The following HECW1 variants were observed in gnomAD, a reference collection of about 807,000 sequenced individuals.
HECW1 encodes the protein E3 ubiquitin-protein ligase HECW1.
In HECW1, 61 loss-of-function variants were observed where a neutral mutation model predicts 182.3. The ratio of observed to expected loss-of-function variants is 0.33; its 90% CI spans 0.27 to 0.41. The LOEUF (loss-of-function observed/expected upper bound fraction) is 0.41, where lower values mean the gene tolerates loss of function less well. HECW1 is among the 10% of genes least tolerant of loss of function. The pLI, the probability that HECW1 is intolerant of heterozygous loss-of-function variation, is 1.00. For missense variants in HECW1, 1,739 were observed against 2,108.9 expected, an observed-to-expected ratio of 0.82 and a Z score of 3.44; for synonymous variants, 859 against 832.6, an observed-to-expected ratio of 1.03 and a Z score of -0.55.
chr7:43,187,970 G>A (rs538140738), intron 2 of HECW1, among the ~76,000 whole-genome samples: 3 of 152,172 alleles, frequency 2.0e-5, no homozygotes, highest in African/African-American at 7.2e-5. Flanking sequence ...AGTGGACTCC[G>A]TGAAGACCCC....
intron 29 of HECW1, among the ~76,000 whole-genome samples, chr7:43,555,914 A>AC (rs2082002844): frequency 1.8e-5 from 1 of 54,258 alleles, no homozygotes; most frequent in African/African-American, 1.4e-4. Flanking sequence ...AAGTTGAATG[A>AC]TGATTTCAAG....
At chr7:43,285,116 C>T (rs1804460810) in intron 3 of HECW1, among the ~76,000 whole-genome samples, 1 of 151,870 alleles carries the variant, frequency 6.6e-6, no homozygotes, top group Non-Finnish European at 1.5e-5. Context: ...GCAAGTCTTA[C>T]TGCTAACTGG....
intron 2 of HECW1, among the ~76,000 whole-genome samples, chr7:43,205,904 C>T (rs1392155971): frequency 6.6e-6 from 1 of 152,190 alleles, no homozygotes; most frequent in African/African-American, 2.4e-5. Flanking sequence ...ACACTGAGCA[C>T]AGCTGGGCCC....
At chr7:43,265,950 A>G (rs11979901) in intron 3 of HECW1, among the ~76,000 whole-genome samples, 24,980 of 151,886 alleles carry the variant, frequency 0.16, 2,615 homozygotes, top group South Asian at 0.29. Flanking sequence ...AGGAAACTTG[A>G]GGGGGGGTGT....
intron 2 of HECW1, among the ~76,000 whole-genome samples, chr7:43,146,792 G>A (rs1326966278): frequency 2.0e-5 from 3 of 152,214 alleles, no homozygotes; most frequent in African/African-American, 7.2e-5. Context: ...AGTGGCAGCA[G>A]GGCACTGGCC....
intron 24 of HECW1, among the ~76,000 whole-genome samples, chr7:43,514,295 T>G (rs1450987713): frequency 7.0e-6 from 1 of 143,176 alleles, no homozygotes; most frequent in Non-Finnish European, 1.6e-5. Flanking sequence ...TTTTTTCTTT[T>G]CTTTTCTTTT....
intron 26 of HECW1, among the ~76,000 whole-genome samples, chr7:43,542,673 T>G (rs542533938): frequency 6.6e-6 from 1 of 152,158 alleles, no homozygotes; most frequent in Non-Finnish European, 1.5e-5. Context: ...TCTGTTCAAG[T>G]CCCTGCTGTA....
chr7:43,502,785 A>G (rs2079418382), intron 21 of HECW1, among the ~76,000 whole-genome samples: 1 of 152,250 alleles, frequency 6.6e-6, no homozygotes, highest in Admixed American at 6.5e-5. Context: ...TTTGACTTGC[A>G]TTATCACATT....
intron 2 of HECW1, among the ~76,000 whole-genome samples, chr7:43,176,596 A>C (rs576482283): frequency 6.6e-5 from 10 of 152,304 alleles, no homozygotes; most frequent in African/African-American, 2.2e-4. Flanking sequence ...AACTGGCTTT[A>C]TAACAGACCC....
At chr7:43,191,382 T>A (rs1244949689) in intron 2 of HECW1, among the ~76,000 whole-genome samples, 1 of 152,240 alleles carries the variant, frequency 6.6e-6, no homozygotes, top group Non-Finnish European at 1.5e-5. Flanking sequence ...TAAACTGCCA[T>A]GCTTTCTAAT....
intron 20 of HECW1, 50 bp downstream of exon 20, chr7:43,500,832 C>A (rs753737832): frequency 1.2e-5 from 18 of 1,448,562 alleles, no homozygotes; most frequent in Non-Finnish European, 1.7e-5. Flanking sequence ...CTGGGCAGCT[C>A]TCCTCCATCA....
At chr7:43,423,442 T>C (rs34718292) in intron 8 of HECW1, among the ~76,000 whole-genome samples, 25,040 of 152,208 alleles carry the variant, frequency 0.16, 2,367 homozygotes, top group Middle Eastern at 0.21. Context: ...TCTACAGTGA[T>C]GCCTGAGGCT....
intron 27 of HECW1, among the ~76,000 whole-genome samples, chr7:43,551,619 T>C (rs1418492038): frequency 6.6e-6 from 1 of 152,196 alleles, no homozygotes; most frequent in Non-Finnish European, 1.5e-5. Flanking sequence ...TCGAGTCAGA[T>C]TTGTTTACAG....
intron 6 of HECW1, among the ~76,000 whole-genome samples, chr7:43,392,116 C>T (rs1016847722): frequency 6.6e-6 from 1 of 152,034 alleles, no homozygotes; most frequent in Non-Finnish European, 1.5e-5. Context: ...ATTATGGAGC[C>T]TTATACTTTT....
chr7:43,165,397 C>CGG (rs11451295), intron 2 of HECW1, among the ~76,000 whole-genome samples: 3,437 of 136,962 alleles, frequency 0.025, 146 homozygotes, highest in African/African-American at 0.067. Flanking sequence ...GGGCTTTTGG[C>CGG]GGGGGGGGGT....
intron 14 of HECW1, among the ~76,000 whole-genome samples, 182 bp from the exon 15 acceptor site, chr7:43,466,265 G>A (rs1228236505): frequency 2.6e-5 from 4 of 152,272 alleles, no homozygotes; most frequent in East Asian, 1.9e-4. Flanking sequence ...GAAGTTATGC[G>A]AAACACTACT....
rs113919620 is a variant in HECW1, at chr7:43,564,412, C to T, written c.*2486C>T. The T allele has an allele frequency of 2.7e-3, 490 of 182,560 alleles. 1 individual carries two copies. Among genetic ancestry groups the T allele is most frequent in the African/African-American group, 0.011 (464 of 42,588 alleles). The allele number at this position is 182,560 out of a possible 1,614,324, so 11.3% of individuals were successfully genotyped here. Reference sequence around the variant, plus strand: ...ATTAGATTAATTAATATCTAATCTACCCATATACAAAAGGAATGCAGTATC... The same window carrying T: ...ATTAGATTAATTAATATCTAATCTATCCATATACAAAAGGAATGCAGTATC... On this transcript the variant is annotated 3_prime_UTR_variant, in exon 30 of 30. Transcript: ENST00000395891.
intron 3 of HECW1, chr7:43,245,440 T>C (rs1401523664): frequency 6.6e-6 from 1 of 152,220 alleles, no homozygotes; most frequent in Non-Finnish European, 1.5e-5. Context: ...CTGAGTGCAT[T>C]TCACATTCAG....
chr7:43,469,346 T>C (rs2077922724), intron 16 of HECW1, among the ~76,000 whole-genome samples: 1 of 152,204 alleles, frequency 6.6e-6, no homozygotes, highest in African/African-American at 2.4e-5. Flanking sequence ...CGCTGCTAGA[T>C]GCCAACTGTT....
Sources: gnomAD v4.1 joint callset for allele counts (sites outside exome capture counted in the v4.1 genomes callset) on GRCh38, gnomAD v4.1.1 for gene constraint, MANE v1.5 for transcripts, NCBI Gene and HGNC (gene_info 2026-07-23, HGNC 2026-07-21) for gene names.